The following NRG1 variants were observed in gnomAD, a reference collection of about 807,000 sequenced individuals.
NRG1 encodes neuregulin 1.
NRG1 carries 18 observed loss-of-function variants against 63.8 expected under a neutral mutation model. The observed-to-expected ratio is 0.28, with a 90% CI of 0.19 to 0.42. The LOEUF is 0.42. Among genes scored for constraint, NRG1 ranks in the 10% least tolerant of loss-of-function variants. The probability of loss-of-function intolerance (pLI) is 1.00; values close to 1 mark genes in which losing one functional copy is unlikely to be tolerated. For missense variants in NRG1, 762 were observed against 814.7 expected, an observed-to-expected ratio of 0.94 and a Z score of 0.79; for synonymous variants, 302 against 301.3, an observed-to-expected ratio of 1.00 and a Z score of -0.02.
chr8:31,951,854 T>C (rs1384737587), intron 1 of NRG1, among the ~76,000 whole-genome samples: 2 of 152,286 alleles, frequency 1.3e-5, no homozygotes, highest in Middle Eastern at 6.8e-3. Flanking sequence ...GACATAAAAC[T>C]AAATCTTATG....
intron 1 of NRG1, among the ~76,000 whole-genome samples, chr8:32,169,716 G>A (rs1839802487): frequency 6.6e-6 from 1 of 152,172 alleles, no homozygotes. Context: ...TTTACTCTGA[G>A]AGGATATTTA....
chr8:32,032,942 G>A (rs184045656), intron 1 of NRG1, among the ~76,000 whole-genome samples: 59 of 152,156 alleles, frequency 3.9e-4, no homozygotes, highest in African/African-American at 1.3e-3. Flanking sequence ...GTTAATTTTT[G>A]TGTAAGGTGT....
intron 1 of NRG1, among the ~76,000 whole-genome samples, chr8:32,231,421 C>T (rs147767128): frequency 5.1e-4 from 77 of 151,816 alleles, no homozygotes; most frequent in African/African-American, 1.5e-3. Flanking sequence ...ATTATTATTC[C>T]GCTTTGTAAG....
intron 1 of NRG1, among the ~76,000 whole-genome samples, chr8:31,697,663 G>C (rs1490238459): frequency 6.6e-6 from 1 of 152,134 alleles, no homozygotes; most frequent in African/African-American, 2.4e-5. Flanking sequence ...GCATCATTTA[G>C]TTGCAGACCT....
At position 31,640,156 on chromosome 8, in the gene NRG1, G is replaced by A. The variant is rs113317778; in HGVS notation, c.37+725G>A. The A allele has an allele frequency of 0.12, 144,217 of 1,176,150 alleles. 9,403 individuals are homozygous for A. The highest frequency in any genetic ancestry group is 0.21 in the Admixed American group (4,696 of 21,952). The allele number at this position is 1,176,150 out of a possible 1,614,324, so 72.9% of individuals were successfully genotyped here. A position where few individuals can be genotyped will look rare whatever the true frequency, so the allele number is the denominator to read the frequency against. ...GGCCGGCAACGAGGCGGCTCCCGCG[G>A]GGGCCTCGGTGTGCTACTCGTCCCC... is the stretch of plus-strand genomic sequence containing the variant. On this transcript the variant is annotated intron_variant, in intron 1 of 10. Transcript: ENST00000519301. The surrounding 1 kb of genome is among the most constrained non-coding windows in gnomAD (Gnocchi z 6.3).
chr8:31,920,310 A>C (rs992371679), intron 1 of NRG1, among the ~76,000 whole-genome samples: 1 of 152,194 alleles, frequency 6.6e-6, no homozygotes, highest in Non-Finnish European at 1.5e-5. Flanking sequence ...AATTAAAAAA[A>C]AAAGATGTAT....
intron 1 of NRG1, among the ~76,000 whole-genome samples, chr8:31,814,383 C>T (rs1211641116): frequency 1.3e-5 from 2 of 152,144 alleles, no homozygotes; most frequent in African/African-American, 4.8e-5. Flanking sequence ...TCTCTTTGGA[C>T]CTCAGTTACG....
At chr8:32,147,050 A>G (rs1262527299) in intron 1 of NRG1, among the ~76,000 whole-genome samples, 7 of 152,200 alleles carry the variant, frequency 4.6e-5, no homozygotes, top group Non-Finnish European at 8.8e-5. Context: ...TCTTCCATCT[A>G]TAGTTCACCT....
At chr8:31,894,066 TATTTAAAATTTTAATAGTCTGACAG>T (rs1254608647) in intron 1 of NRG1, among the ~76,000 whole-genome samples, 35 of 151,990 alleles carry the variant, frequency 2.3e-4, no homozygotes, top group Admixed American at 5.9e-4. Context: ...ATTCAGACAA[TATTTAAAATTTTAATAGTCTGACAG>T]ATTCTGATAT....
intron 1 of NRG1, among the ~76,000 whole-genome samples, chr8:31,803,339 G>A (rs968269063): frequency 1.3e-5 from 2 of 152,110 alleles, no homozygotes; most frequent in African/African-American, 4.8e-5. Context: ...AAAATGGAGG[G>A]TCACAGTTAG....
At chr8:31,985,378 T>C (rs1809884392) in intron 1 of NRG1, among the ~76,000 whole-genome samples, 2 of 152,088 alleles carry the variant, frequency 1.3e-5, no homozygotes, top group Non-Finnish European at 2.9e-5. Flanking sequence ...CGAGCATTTA[T>C]AGAAAGAAGC....
intron 1 of NRG1, among the ~76,000 whole-genome samples, chr8:32,507,786 C>T (rs1458073134): frequency 2.0e-5 from 3 of 152,092 alleles, no homozygotes. Context: ...CAACCTCCAC[C>T]TCCCAGGTTC....
chr8:32,659,552 A>G (rs932785068), intron 5 of NRG1, among the ~76,000 whole-genome samples: 1 of 152,180 alleles, frequency 6.6e-6, no homozygotes, highest in Non-Finnish European at 1.5e-5. Flanking sequence ...TCTGTTTTGA[A>G]ATTTATTGTG....
chr8:32,309,480 C>T (rs1349613623), intron 1 of NRG1, among the ~76,000 whole-genome samples: 2 of 152,168 alleles, frequency 1.3e-5, no homozygotes, highest in African/African-American at 2.4e-5. Flanking sequence ...TTCATGTACA[C>T]GTGAAATTAA....
intron 1 of NRG1, among the ~76,000 whole-genome samples, chr8:31,808,444 CATG>C (rs1429767276): frequency 6.6e-6 from 1 of 152,012 alleles, no homozygotes; most frequent in African/African-American, 2.4e-5. Flanking sequence ...TGTTGTAATT[CATG>C]ATATTTGTGT....
chr8:32,556,345 A>G (rs1354236879), intron 1 of NRG1, among the ~76,000 whole-genome samples: 2 of 152,238 alleles, frequency 1.3e-5, no homozygotes, highest in African/African-American at 4.8e-5. Context: ...AGCTAAAATC[A>G]TATCCATATT....
intron 1 of NRG1, among the ~76,000 whole-genome samples, chr8:32,406,506 A>G (rs1324134139): frequency 6.6e-6 from 1 of 152,098 alleles, no homozygotes; most frequent in African/African-American, 2.4e-5. Flanking sequence ...ATATATCCTG[A>G]TATACTTTCT....
At position 31,937,331 on chromosome 8, in the gene NRG1, A is replaced by G. The variant is rs528909491; in HGVS notation, c.37+297900A>G. Among the ~76,000 whole-genome samples the G allele has an allele frequency of 2.0e-4, 30 of 152,340 alleles. 1 individual carries two copies. The highest frequency in any genetic ancestry group is 1.9e-3 in the Admixed American group (29 of 15,306). On this transcript the variant is annotated intron_variant, in intron 1 of 10. Transcript: ENST00000519301. Reference sequence around the variant, plus strand: ...GAGAAGACTTAATAGAAAGTATAACATTTTAAATAATGTTTAAGGGGAAAA... The same window carrying G: ...GAGAAGACTTAATAGAAAGTATAACGTTTTAAATAATGTTTAAGGGGAAAA...
chr8:31,909,227 C>T (rs1585673928), intron 1 of NRG1, among the ~76,000 whole-genome samples: 1 of 152,260 alleles, frequency 6.6e-6, no homozygotes, highest in African/African-American at 2.4e-5. Flanking sequence ...ATAATACTGC[C>T]TTACCATTGT....
Sources: gnomAD v4.1 joint callset for allele counts (sites outside exome capture counted in the v4.1 genomes callset) on GRCh38, gnomAD v4.1.1 for gene constraint, Gnocchi (gnomAD v3.1) non-coding constraint, MANE v1.5 for transcripts, NCBI Gene and HGNC (gene_info 2026-07-23, HGNC 2026-07-21) for gene names.